Variants in ZNF544 observed in about 807,000 individuals in gnomAD.
ZNF544 encodes zinc finger protein 544.
ZNF544 carries 10 observed loss-of-function variants against 13.5 expected under a neutral mutation model. The ratio of observed to expected loss-of-function variants is 0.74; its 90% CI spans 0.46 to 1.25. ZNF544 has a LOEUF of 1.25. Ranked by LOEUF, ZNF544 falls within the 50% of genes most tolerant of loss-of-function variation. The pLI, the probability that ZNF544 is intolerant of heterozygous loss-of-function variation, is 0.00. For missense variants in ZNF544, 896 were observed against 845.6 expected, an observed-to-expected ratio of 1.06 and a Z score of -0.74; for synonymous variants, 323 against 300.5, an observed-to-expected ratio of 1.07 and a Z score of -0.77.
At position 58,260,975 on chromosome 19, in the gene ZNF544, A is replaced by T; in HGVS notation, c.369A>T (p.Gly123=). The T allele has an allele frequency of 6.2e-7, 1 of 1,614,180 alleles. No homozygotes were observed. Among genetic ancestry groups the T allele is most frequent in the Non-Finnish European group, 8.5e-7 (1 of 1,180,040 alleles). Residue 123 remains glycine, a synonymous_variant, in exon 7 of 7, where the codon GGA becomes GGT. Coordinates refer to ENST00000687789, the MANE Select transcript of ZNF544 (RefSeq NM_014480.4). ...GPEEPPSLVL[G]KVQDQSNQLR... ...AGGAGCCACCCTCTTTGGTATTAGG[A>T]AAAGTGCAAGATCAGAGCAACCAGT...
downstream of ZNF544, among the ~76,000 whole-genome samples, chr19:58,265,264 A>G (rs260468): frequency 0.54 from 81,648 of 151,778 alleles, 22,231 homozygotes; most frequent in Middle Eastern, 0.65. Flanking sequence ...TGGGGAGACT[A>G]GAAGAGGCCA....
intron 6 of ZNF544, among the ~76,000 whole-genome samples, chr19:58,252,681 T>G (rs1273369125): frequency 6.6e-6 from 1 of 152,234 alleles, no homozygotes; most frequent in Non-Finnish European, 1.5e-5. Context: ...ATTCTTATCC[T>G]TAGTAACCTT....
At chr19:58,246,248 G>T in intron 4 of ZNF544, 53 bp from the exon 5 acceptor site, 1 of 1,611,744 alleles carries the variant, frequency 6.2e-7, no homozygotes, top group African/African-American at 1.3e-5. Flanking sequence ...AGGTACCTCC[G>T]TGAGGGCATG....
intron 3 of ZNF544, among the ~76,000 whole-genome samples, chr19:58,234,904 G>C (rs2042069345): frequency 6.6e-6 from 1 of 152,214 alleles, no homozygotes; most frequent in Admixed American, 6.5e-5. Flanking sequence ...TTTCAAAAGA[G>C]TGTTTACATT....
intron 5 of ZNF544, among the ~76,000 whole-genome samples, chr19:58,276,012 C>T (rs1045663745): frequency 1.3e-5 from 2 of 151,908 alleles, no homozygotes; most frequent in Non-Finnish European, 2.9e-5. Context: ...ATGGCAAAAT[C>T]CAGTCTCTAC....
At chr19:58,268,462 C>T (rs897704615), downstream of ZNF544, among the ~76,000 whole-genome samples, 1 of 151,980 alleles carries the variant, frequency 6.6e-6, no homozygotes, top group African/African-American at 2.4e-5. Context: ...AAAGAAATAG[C>T]ACTCAAAACA....
chr19:58,259,946 T>C (rs780760138), intron 6 of ZNF544, among the ~76,000 whole-genome samples: 5 of 151,992 alleles, frequency 3.3e-5, no homozygotes, highest in African/African-American at 4.8e-5. Flanking sequence ...ATAAAAATAC[T>C]AATCACAGAA....
At chr19:58,242,725 T>C (rs772610139) in intron 3 of ZNF544, among the ~76,000 whole-genome samples, 23 of 152,108 alleles carry the variant, frequency 1.5e-4, no homozygotes, top group Non-Finnish European at 2.9e-4. Context: ...TGAGACAATG[T>C]CTTACCCTGT....
intron 3 of ZNF544, among the ~76,000 whole-genome samples, chr19:58,239,099 G>A (rs1412531731): frequency 6.6e-6 from 1 of 152,174 alleles, no homozygotes; most frequent in Non-Finnish European, 1.5e-5. Context: ...CTCTGTGGCT[G>A]CAGGTTTTCT....
intron 6 of ZNF544, among the ~76,000 whole-genome samples, chr19:58,249,690 C>A (rs1026483209): frequency 1.3e-5 from 2 of 152,164 alleles, no homozygotes; most frequent in African/African-American, 4.8e-5. Flanking sequence ...AAACAGCATT[C>A]TTCCTCTAGA....
chr19:58,261,461 G>C lies in ZNF544; in HGVS notation c.855G>C (p.Leu285=), dbSNP rs761462348. Residue 285 remains leucine (L), a synonymous_variant, in exon 7 of 7, where the codon CTG becomes CTC. Transcript: ENST00000687789. ...YGNLFSHSVS[L]NEQKPVHFGK... The stretch of plus-strand genomic sequence containing the variant: ...ACCTCTTCAGTCACAGTGTGTCTCT[G>C]AATGAACAGAAGCCAGTGCATTTTG... 1 of 1,613,990 alleles carries C rather than the reference G, an allele frequency of 6.2e-7. No homozygotes were observed. The highest frequency in any genetic ancestry group is 1.1e-5 in the South Asian group (1 of 90,932).
Position 58,244,057 on chromosome 19 carries a change from G to C in ZNF544, c.33+1G>C, listed in dbSNP as rs1025966649. 6.2e-7 allele frequency: 1 copy of C among 1,606,908 alleles called. No individual in the cohort carries two copies. The highest frequency in any genetic ancestry group is 1.3e-5 in the African/African-American group (1 of 74,736). ...ACGTTCTATGCTGGTTCCACCCCAGGTGAGTGGGGGGTCTTTGCTCTCAGT... is the reference window on the plus strand; with the variant it reads ...ACGTTCTATGCTGGTTCCACCCCAGCTGAGTGGGGGGTCTTTGCTCTCAGT... On this transcript the variant is annotated splice_donor_variant, in intron 4 of 6. Coordinates refer to ENST00000687789, the MANE Select transcript of ZNF544 (RefSeq NM_014480.4). LOFTEE classifies it high-confidence loss of function.
chr19:58,257,082 C>T (rs1473184590), intron 6 of ZNF544, among the ~76,000 whole-genome samples: 2 of 152,022 alleles, frequency 1.3e-5, no homozygotes, highest in African/African-American at 2.4e-5. Flanking sequence ...CCACCACGCC[C>T]GTCTAATTTT....
At chr19:58,241,176 T>C (rs1306449234) in intron 3 of ZNF544, among the ~76,000 whole-genome samples, 2 of 92,566 alleles carry the variant, frequency 2.2e-5, no homozygotes, top group East Asian at 7.0e-4. Context: ...TATATATATA[T>C]ATATTTTTTT....
chr19:58,275,375 A>T lies in ZNF544; in HGVS notation c.245-948A>T, dbSNP rs569581700. ...CAACAAAAGAAAAAGCCAACATCTC[A>T]TTATTATTATGAATTTAGTTTTGAA... On this transcript the variant is annotated intron_variant, in intron 5 of 6. Coordinates refer to the ZNF544 transcript ENST00000595981. Among the ~76,000 whole-genome samples the T allele has an allele frequency of 3.1e-4, 47 of 150,828 alleles. 2 individuals are homozygous for T. The highest frequency in any genetic ancestry group is 1.1e-3 in the African/African-American group (45 of 41,546).
In ZNF544 at chr19:58,261,130, C is replaced by T. The variant is rs754863334; in HGVS notation, c.524C>T (p.Pro175Leu). The change falls in exon 7 of 7, where the codon CCT (proline) becomes CTT (leucine). Residue 175 changes from proline to leucine, a missense_variant. Transcript: ENST00000687789. ...CTACCTTCTACTTTAAGCCTTCTAC[C>T]TACAACATTACCTACAAGTACAGGT... ...YSLPSTLSLL[P>L]TTLPTSTGFP... 5 of 1,613,996 alleles carry T rather than the reference C, an allele frequency of 3.1e-6. No individual in the cohort carries two copies. The highest frequency in any genetic ancestry group is 4.2e-6 in the Non-Finnish European group (5 of 1,180,034).
At chr19:58,233,291 C>G (rs531433732) in intron 3 of ZNF544, among the ~76,000 whole-genome samples, 1 of 152,130 alleles carries the variant, frequency 6.6e-6, no homozygotes, top group Non-Finnish European at 1.5e-5. Flanking sequence ...ACACTGCCAA[C>G]CACATCAGCC....
intron 4 of ZNF544, among the ~76,000 whole-genome samples, chr19:58,245,033 C>T (rs150242085): frequency 1.5e-4 from 23 of 151,882 alleles, no homozygotes; most frequent in Non-Finnish European, 2.4e-4. Context: ...ACTGCAACTC[C>T]GCCTCCTGGT....
At chr19:58,242,181 T>A (rs1469608666) in intron 3 of ZNF544, 2 of 952,014 alleles carry the variant, frequency 2.1e-6, no homozygotes, top group South Asian at 9.7e-5. Flanking sequence ...CAGCTGCGAG[T>A]GTTGAGGCTG....
Sources: gnomAD v4.1 joint callset for allele counts (sites outside exome capture counted in the v4.1 genomes callset) on GRCh38, gnomAD v4.1.1 for gene constraint, MANE v1.5 for transcripts, NCBI Gene and HGNC (gene_info 2026-07-23, HGNC 2026-07-21) for gene names.